Variants in KIAA1671 observed in about 807,000 individuals in gnomAD.
KIAA1671 encodes KIAA1671.
KIAA1671 carries 52 observed loss-of-function variants against 131.2 expected under a neutral mutation model. The ratio of observed to expected loss-of-function variants is 0.40; its 90% CI spans 0.32 to 0.50. KIAA1671 has a LOEUF of 0.50. Ranked by LOEUF, KIAA1671 falls within the 20% of genes least tolerant of loss-of-function variation. KIAA1671 has a pLI of 0.73. For missense variants in KIAA1671, 2,360 were observed against 2,364.2 expected, an observed-to-expected ratio of 1.00 and a Z score of 0.04; for synonymous variants, 1,003 against 961.6, an observed-to-expected ratio of 1.04 and a Z score of -0.80.
intron 6 of KIAA1671, among the ~76,000 whole-genome samples, chr22:25,152,791 T>TG (rs886183707): frequency 3.4e-4 from 51 of 152,036 alleles, no homozygotes; most frequent in African/African-American, 9.6e-4. Context: ...TTAGTGGAGA[T>TG]GGGGGGTTTC....
rs777870785 is a variant in KIAA1671 at position 25,185,049 on chromosome 22, C to A, written c.5272C>A (p.Pro1758Thr). Residue 1758 changes from proline (P) to threonine (T), a missense_variant, in exon 11 of 13, where the codon CCC (proline) becomes ACC (threonine). Pro to Thr is a conservative substitution (Grantham distance 38). Transcript: ENST00000358431. Reference sequence around the variant, plus strand: ...CAGCTGGGCACCCCAACCCAAGAGCCCCAAGTCCCCCTTCCAGCCTGGGGT... The same window carrying A: ...CAGCTGGGCACCCCAACCCAAGAGCACCAAGTCCCCCTTCCAGCCTGGGGT... ...TPSWAPQPKSPKSPFQPGVLG... is the reference protein window; with the variant it reads ...TPSWAPQPKSTKSPFQPGVLG... 1.9e-5 allele frequency: 30 copies of A among 1,551,638 alleles called. No individual in the cohort carries two copies. Among genetic ancestry groups the A allele is most frequent in the Non-Finnish European group, 2.6e-5 (30 of 1,146,964 alleles).
chr22:25,150,973 C>T (rs902269328), intron 6 of KIAA1671, among the ~76,000 whole-genome samples: 4 of 151,870 alleles, frequency 2.6e-5, no homozygotes, highest in Non-Finnish European at 4.4e-5. Context: ...GCTGGGACTA[C>T]AGGCACCCGC....
At chr22:25,000,615 C>A (rs1239844652) in intron 1 of KIAA1671, among the ~76,000 whole-genome samples, 1 of 151,294 alleles carries the variant, frequency 6.6e-6, no homozygotes, top group Non-Finnish European at 1.5e-5. Flanking sequence ...CTCCTGGGTT[C>A]AAACTATTCT....
At chr22:25,003,110 T>C (rs952602056) in intron 1 of KIAA1671, among the ~76,000 whole-genome samples, 7 of 152,116 alleles carry the variant, frequency 4.6e-5, no homozygotes, top group African/African-American at 1.7e-4. Context: ...TTCCCTCTTA[T>C]TACAAACACA....
chr22:24,966,695 G>A lies in KIAA1671; in HGVS notation c.-208+13923G>A, dbSNP rs181738557. Reference sequence around the variant, plus strand: ...GGGCTGGGCATGGTGGCTCATGCCTGTAATCTTAGTGCTTTGGGAGGCCGA... The same window carrying A: ...GGGCTGGGCATGGTGGCTCATGCCTATAATCTTAGTGCTTTGGGAGGCCGA... On this transcript the variant is annotated intron_variant, in intron 1 of 12. Coordinates refer to ENST00000358431, the MANE Select transcript of KIAA1671 (RefSeq NM_001145206.2). Among the ~76,000 whole-genome samples the A allele has an allele frequency of 3.0e-4, 46 of 152,314 alleles. No homozygotes were observed. In the East Asian group the frequency reaches 6.8e-3, roughly 22 times the overall value.
chr22:25,000,489 G>C (rs373545807), intron 1 of KIAA1671, among the ~76,000 whole-genome samples: 1 of 57,318 alleles, frequency 1.7e-5, no homozygotes, highest in African/African-American at 5.8e-5. Context: ...CACCGCGCCC[G>C]GCCTTTTTTT....
chr22:25,121,034 C>T lies in KIAA1671; in HGVS notation c.4531-49786C>T, dbSNP rs528753079. 1.2e-3 allele frequency among the ~76,000 whole-genome samples: 190 copies of T among 152,292 alleles called. 3 individuals carry two copies. The South Asian group carries it at 0.031, about 25-fold the overall frequency. Reference sequence around the variant, plus strand: ...TCTCACTTTTCTCTCCCTCTCCCTGCGTTTTCTAATCTCAGATGTTTTGTT... The same window carrying T: ...TCTCACTTTTCTCTCCCTCTCCCTGTGTTTTCTAATCTCAGATGTTTTGTT... On this transcript the variant is annotated intron_variant, in intron 6 of 12. Coordinates refer to ENST00000358431, the MANE Select transcript of KIAA1671 (RefSeq NM_001145206.2).
chr22:25,064,864 G>A (rs1568936433), intron 6 of KIAA1671: 1 of 152,186 alleles, frequency 6.6e-6, no homozygotes, highest in Non-Finnish European at 1.5e-5. Flanking sequence ...CCCTTGGCTG[G>A]TGCCAGGCCC....
chr22:25,115,738 T>G lies in KIAA1671; in HGVS notation c.4531-55082T>G, dbSNP rs1931619644. Among the ~76,000 whole-genome samples the G allele has an allele frequency of 2.0e-5, 3 of 152,176 alleles. No individual in the cohort carries two copies. The South Asian group carries it at 6.2e-4, about 32-fold the overall frequency. ...ATCAGGTGCATATAACTTGCATGTC[T>G]TCATTAATTCACTCATATTTTCATT... On this transcript the variant is annotated intron_variant, in intron 6 of 12. Transcript: ENST00000358431.
chr22:24,953,307 T>G lies in KIAA1671; in HGVS notation c.-208+535T>G, dbSNP rs555160214. Among the ~76,000 whole-genome samples the G allele has an allele frequency of 2.0e-5, 3 of 151,364 alleles. No homozygotes were observed. In the South Asian group the frequency reaches 6.3e-4, roughly 32 times the overall value. Reference sequence around the variant, plus strand: ...GTTACTCAGCCTGGAGCTGCTAGGGTCTGGACATTTGTGCGGGTTGGAGGC... The same window carrying G: ...GTTACTCAGCCTGGAGCTGCTAGGGGCTGGACATTTGTGCGGGTTGGAGGC... On this transcript the variant is annotated intron_variant, in intron 1 of 12. Coordinates refer to ENST00000358431, the MANE Select transcript of KIAA1671 (RefSeq NM_001145206.2).
intron 6 of KIAA1671, among the ~76,000 whole-genome samples, chr22:25,089,764 G>A (rs937978059): frequency 1.3e-5 from 2 of 151,940 alleles, no homozygotes; most frequent in Non-Finnish European, 1.5e-5. Flanking sequence ...CAGACATGTC[G>A]GTCATTTCCA....
chr22:25,147,027 G>A (rs1322395677), intron 6 of KIAA1671, among the ~76,000 whole-genome samples: 1 of 152,170 alleles, frequency 6.6e-6, no homozygotes, highest in Non-Finnish European at 1.5e-5. Flanking sequence ...AAGAGCAGAT[G>A]AGGGCAATAT....
intron 10 of KIAA1671, 54 bp from the exon 11 acceptor site, chr22:25,184,923 G>A: frequency 1.9e-6 from 3 of 1,545,064 alleles, no homozygotes; most frequent in Middle Eastern, 2.2e-4. Flanking sequence ...CATGGGAGGG[G>A]GCCCTTCCCC....
chr22:24,984,112 GC>G (rs1923383199), intron 1 of KIAA1671, among the ~76,000 whole-genome samples: 2 of 152,116 alleles, frequency 1.3e-5, no homozygotes, highest in African/African-American at 4.8e-5. Context: ...CCTCTCAGGG[GC>G]TTAAGCAGGG....
intron 6 of KIAA1671, among the ~76,000 whole-genome samples, chr22:25,117,646 G>T (rs932243296): frequency 3.5e-5 from 4 of 115,348 alleles, no homozygotes; most frequent in Admixed American, 2.5e-4. Context: ...CAGACACACT[G>T]CTTCAGCAAG....
At chr22:25,078,651 G>A (rs1177515361) in intron 6 of KIAA1671, among the ~76,000 whole-genome samples, 2 of 152,208 alleles carry the variant, frequency 1.3e-5, no homozygotes, top group East Asian at 1.9e-4. Context: ...TACGCACACC[G>A]TAAGCAATTA....
chr22:25,093,818 CTCTCTTTCTCTCTCTGTCTG>C lies in KIAA1671; in HGVS notation c.4530+44460_4530+44479del, dbSNP rs1568951479. Among the ~76,000 whole-genome samples the C allele has an allele frequency of 5.7e-4, 55 of 96,742 alleles. 5 individuals are homozygous for C. Among genetic ancestry groups the C allele is most frequent in the Admixed American group, 1.1e-3 (10 of 9,516 alleles). The allele number at this position is 96,742 out of a possible 152,430, so 63.5% of individuals were successfully genotyped here. A position where few individuals can be genotyped will look rare whatever the true frequency, so the allele number is the denominator to read the frequency against. ...TCTCTCTCTCTCTCTCTCTGTCTCT[CTCTCTTTCTCTCTCTGTCTG>C]TCTCTCTCTCTCTCTCTCTCTCTCT... On this transcript the variant is annotated intron_variant, in intron 6 of 12. Coordinates refer to ENST00000358431, the MANE Select transcript of KIAA1671 (RefSeq NM_001145206.2).
At position 25,040,147 on chromosome 22, in the gene KIAA1671, C is replaced by G. The variant is rs921209190; in HGVS notation, c.3017C>G (p.Ala1006Gly). The G allele has an allele frequency of 2.1e-4, 320 of 1,551,682 alleles. No individual in the cohort carries two copies. The highest frequency in any genetic ancestry group is 2.7e-4 in the Non-Finnish European group (305 of 1,147,002). Residue 1006 changes from alanine (A) to glycine (G), a missense_variant, in exon 5 of 13, where the codon GCT (alanine) becomes GGT (glycine). Around this residue, in one of 3 missense-constraint regions of KIAA1671, gnomAD observed 1,161 missense variants for 1,204.7 expected, o/e 0.96. Coordinates refer to ENST00000358431, the MANE Select transcript of KIAA1671 (RefSeq NM_001145206.2). ...RVETQEVNPGASRDQTSPAVK... is the reference protein window; with the variant it reads ...RVETQEVNPGGSRDQTSPAVK... ...GAGACCCAGGAGGTGAACCCAGGTGCTTCACGGGACCAGACTTCCCCAGCA... is the reference window on the plus strand; with the variant it reads ...GAGACCCAGGAGGTGAACCCAGGTGGTTCACGGGACCAGACTTCCCCAGCA...
chr22:25,032,942 AGGCAGAGG>A (rs1926374308), intron 4 of KIAA1671, among the ~76,000 whole-genome samples: 1 of 152,176 alleles, frequency 6.6e-6, no homozygotes. Context: ...CTTCGCAAAG[AGGCAGAGG>A]GGCATGGCTT....
Sources: allele counts gnomAD v4.1 joint callset (sites outside exome capture counted in the v4.1 genomes callset), GRCh38; gene constraint gnomAD v4.1.1; regional missense constraint gnomAD v4.1.1; transcripts MANE v1.5; gene names NCBI Gene and HGNC (gene_info 2026-07-23, HGNC 2026-07-21).